Variants in BTC observed in about 807,000 individuals in gnomAD.
BTC encodes probetacellulin.
A neutral mutation model predicts 18.1 loss-of-function variants in BTC; 13 were observed. The observed-to-expected ratio is 0.72, with a 90% CI of 0.47 to 1.14. The LOEUF is 1.14. Ranked by LOEUF, BTC falls within the 50% of genes most tolerant of loss-of-function variation. The probability of loss-of-function intolerance (pLI) is 0.00; values close to 1 mark genes in which losing one functional copy is unlikely to be tolerated. For synonymous variants in BTC, 83 were observed against 79.4 expected, an observed-to-expected ratio of 1.05 and a Z score of -0.24; for missense variants, 247 against 224.2, an observed-to-expected ratio of 1.10 and a Z score of -0.65.
At chr4:74,782,477 C>G (rs192559772) in intron 1 of BTC, among the ~76,000 whole-genome samples, 7 of 152,180 alleles carry the variant, frequency 4.6e-5, no homozygotes, top group Non-Finnish European at 8.8e-5. Flanking sequence ...GTATATGTAC[C>G]ACATTTTATT....
chr4:74,771,613 A>G (rs957306472), intron 1 of BTC, among the ~76,000 whole-genome samples: 3 of 152,224 alleles, frequency 2.0e-5, no homozygotes, highest in African/African-American at 7.2e-5. Flanking sequence ...TTTGAAAGAG[A>G]GGCTCTTTTT....
At chr4:74,784,664 C>T (rs1290156179) in intron 1 of BTC, among the ~76,000 whole-genome samples, 1 of 152,144 alleles carries the variant, frequency 6.6e-6, no homozygotes, top group Non-Finnish European at 1.5e-5. Context: ...AAGGCCTTTT[C>T]TGCATCTATT....
intron 4 of BTC, among the ~76,000 whole-genome samples, chr4:74,748,760 C>T (rs551529738): frequency 6.6e-6 from 1 of 152,170 alleles, no homozygotes; most frequent in South Asian, 2.1e-4. Context: ...AGAAACAGTA[C>T]AAATTGGAAA....
intron 1 of BTC, among the ~76,000 whole-genome samples, chr4:74,789,935 G>A (rs1452309): frequency 0.18 from 26,957 of 152,098 alleles, 3,928 homozygotes; most frequent in African/African-American, 0.41. Context: ...TTCATTGCAT[G>A]AAATTAGGAT....
In BTC at chr4:74,777,977, C is replaced by T. The variant is rs556663004; in HGVS notation, c.65-7821G>A. Among the ~76,000 whole-genome samples the T allele has an allele frequency of 4.0e-3, 610 of 151,854 alleles. 4 individuals are homozygous for T. Among genetic ancestry groups the T allele is most frequent in the African/African-American group, 0.014 (571 of 41,384 alleles). ...GGAAGAAAACAGAATCTTAAATATGCATACTATACACAGAGTAATTTCCAA... is the reference window on the plus strand; with the variant it reads ...GGAAGAAAACAGAATCTTAAATATGTATACTATACACAGAGTAATTTCCAA... On this transcript the variant is annotated intron_variant, in intron 1 of 5. Coordinates refer to ENST00000395743, the MANE Select transcript of BTC (RefSeq NM_001729.4).
chr4:74,780,979 T>C (rs1028098639), intron 1 of BTC, among the ~76,000 whole-genome samples: 3 of 151,864 alleles, frequency 2.0e-5, no homozygotes, highest in Non-Finnish European at 4.4e-5. Flanking sequence ...TATTTTGAAA[T>C]TCTATCTTTC....
At chr4:74,764,337 G>A (rs1724841788) in intron 2 of BTC, among the ~76,000 whole-genome samples, 1 of 152,192 alleles carries the variant, frequency 6.6e-6, no homozygotes, top group African/African-American at 2.4e-5. Context: ...CAGGCAGGCT[G>A]CAACTTGTCA....
At position 74,794,391 on chromosome 4, in the gene BTC, G is replaced by C; in HGVS notation, c.-66C>G. On this transcript the variant is annotated 5_prime_UTR_variant, in exon 1 of 6. Transcript: ENST00000395743. ...TCCCTCCTTCTTCGCCCCCTTCCCG[G>C]GCCTCGGGCGCCTGAGAGGGTGCCT... The C allele has an allele frequency of 6.9e-7, 1 of 1,439,516 alleles. No homozygotes were observed. The highest frequency in any genetic ancestry group is 9.1e-7 in the Non-Finnish European group (1 of 1,095,330). The allele number at this position is 1,439,516 out of a possible 1,614,324, so 89.2% of individuals were successfully genotyped here.
chr4:74,784,074 A>G (rs373719109), intron 1 of BTC, among the ~76,000 whole-genome samples: 102 of 151,980 alleles, frequency 6.7e-4, no homozygotes, highest in African/African-American at 2.3e-3. Flanking sequence ...CTCTACTAAA[A>G]TACAAAAATT....
chr4:74,748,018 T>C (rs1724335467), intron 5 of BTC, 22 bp downstream of exon 5: 4 of 1,406,904 alleles, frequency 2.8e-6, no homozygotes, highest in Non-Finnish European at 3.9e-6. Context: ...TAGTTTTCTA[T>C]CAGCAAGTTT....
chr4:74,764,004 T>A (rs896454350), intron 2 of BTC, among the ~76,000 whole-genome samples: 1 of 151,922 alleles, frequency 6.6e-6, no homozygotes, highest in Non-Finnish European at 1.5e-5. Flanking sequence ...TTAAAAATAA[T>A]AATAATAAAT....
chr4:74,754,002 T>G (rs1398846329), intron 3 of BTC, among the ~76,000 whole-genome samples: 4 of 152,206 alleles, frequency 2.6e-5, no homozygotes, highest in African/African-American at 9.6e-5. Context: ...TGGACAGTAT[T>G]ATTACTCTCT....
intron 2 of BTC, among the ~76,000 whole-genome samples, chr4:74,764,991 A>G (rs181956563): frequency 1.4e-3 from 163 of 112,568 alleles, no homozygotes; most frequent in African/African-American, 8.0e-3. Context: ...TAAAATCATC[A>G]GGACTCGTGA....
chr4:74,760,371 G>A (rs1451545634), intron 2 of BTC, among the ~76,000 whole-genome samples: 2 of 152,176 alleles, frequency 1.3e-5, no homozygotes, highest in African/African-American at 4.8e-5. Context: ...GTAGAGCCTA[G>A]GGCTTTGTTA....
chr4:74,755,880 G>T lies in BTC; in HGVS notation c.260C>A (p.Ala87Asp). The change falls in exon 3 of 6, where the codon GCC becomes GAC. Residue 87 changes from alanine (A) to aspartate (D), a missense_variant. Transcript: ENST00000395743. ...CIKGRCRFVVAEQTPSCVCDE... is the reference protein window; with the variant it reads ...CIKGRCRFVVDEQTPSCVCDE... ...TTACACACAGGAGGGCGTCTGCTCG[G>T]CCACCACGAAGCGGCATCTCCCTTT... 1 of 1,614,130 alleles carries T rather than the reference G, an allele frequency of 6.2e-7. No individual in the cohort carries two copies. Among genetic ancestry groups the T allele is most frequent in the Non-Finnish European group, 8.5e-7 (1 of 1,180,014 alleles).
rs1724995544 is a variant in BTC at position 74,769,961 on chromosome 4, C to T, written c.163+97G>A. ...AAAGCACTTAGCACAGTGACTGGTA[C>T]CTTAATATATGTTCAAATGTTTACC... is the stretch of plus-strand genomic sequence containing the variant. On this transcript the variant is annotated intron_variant, in intron 2 of 5. Transcript: ENST00000395743. The T allele has an allele frequency of 4.9e-6, 5 of 1,019,322 alleles. No homozygotes were observed. The East Asian group carries it at 1.0e-4, about 21-fold the overall frequency. 63.1% of individuals were successfully genotyped at this position (1,019,322 alleles called of 1,614,324 possible).
chr4:74,772,718 C>T (rs1725076438), intron 1 of BTC, among the ~76,000 whole-genome samples: 1 of 151,536 alleles, frequency 6.6e-6, no homozygotes, highest in South Asian at 2.1e-4. Flanking sequence ...ATGGTAGTAT[C>T]TCCTTCTCGA....
intron 3 of BTC, among the ~76,000 whole-genome samples, chr4:74,753,120 A>C (rs1346335414): frequency 6.6e-6 from 1 of 152,202 alleles, no homozygotes; most frequent in Non-Finnish European, 1.5e-5. Context: ...GCAGATTCTA[A>C]GTTTTTTTAT....
chr4:74,764,699 C>T (rs1416114187), intron 2 of BTC, among the ~76,000 whole-genome samples: 2 of 151,978 alleles, frequency 1.3e-5, no homozygotes, highest in African/African-American at 4.8e-5. Flanking sequence ...GAGATAGAGG[C>T]CATTATTTTA....
Sources: gnomAD v4.1 joint callset for allele counts (sites outside exome capture counted in the v4.1 genomes callset) on GRCh38, gnomAD v4.1.1 for gene constraint, MANE v1.5 for transcripts, NCBI Gene and HGNC (gene_info 2026-07-23, HGNC 2026-07-21) for gene names.